The following SRMS variants were observed in gnomAD, a reference collection of about 807,000 sequenced individuals.
SRMS encodes the protein tyrosine-protein kinase Srms.
In SRMS, 42 loss-of-function variants were observed where a neutral mutation model predicts 43.5. That is an observed-to-expected ratio of 0.97 (90% CI 0.75 to 1.25). The LOEUF (loss-of-function observed/expected upper bound fraction) is 1.25. SRMS is among the 50% of genes most tolerant of loss of function. The probability of loss-of-function intolerance (pLI) is 0.00; values close to 1 mark genes in which losing one functional copy is unlikely to be tolerated. For missense variants in SRMS, 703 were observed against 681.0 expected, an observed-to-expected ratio of 1.03 and a Z score of -0.36; for synonymous variants, 316 against 308.2, an observed-to-expected ratio of 1.03 and a Z score of -0.27.
intron 2 of SRMS, chr20:63,543,797 T>A: frequency 2.8e-6 from 1 of 353,424 alleles, no homozygotes; most frequent in South Asian, 6.6e-5. Context: ...GAAAAGTGAA[T>A]GAATGAATGA....
At chr20:63,543,279 C>G in intron 3 of SRMS, 35 bp downstream of exon 3, 1 of 1,606,182 alleles carries the variant, frequency 6.2e-7, no homozygotes, top group Non-Finnish European at 8.5e-7. Flanking sequence ...ATGCCTCGGG[C>G]CCAGCATGGG....
At chr20:63,545,361 A>T (rs2082725802) in intron 1 of SRMS, among the ~76,000 whole-genome samples, 1 of 152,112 alleles carries the variant, frequency 6.6e-6, no homozygotes, top group Non-Finnish European at 1.5e-5. Context: ...GGACCCGGAG[A>T]GGGATGCCTG....
At chr20:63,541,089 C>T (rs1336909796) in intron 7 of SRMS, 90 bp from the exon 8 acceptor site, 1 of 1,582,366 alleles carries the variant, frequency 6.3e-7, no homozygotes, top group African/African-American at 1.4e-5. Flanking sequence ...ATCTGCCTGC[C>T]CTTGGCCAGA....
At position 63,541,593 on chromosome 20, in the gene SRMS, G is replaced by C. The variant is rs8122355; in HGVS notation, c.974C>G (p.Pro325Arg). 1 of 1,563,374 alleles carries C rather than the reference G, an allele frequency of 6.4e-7. No individual in the cohort carries two copies. The highest frequency in any genetic ancestry group is 8.6e-7 in the Non-Finnish European group (1 of 1,159,498). The stretch of plus-strand genomic sequence containing the variant: ...CTGGCAGGCAAAGCCCAGGAGTGGC[G>C]GCAGACGCAGGGCCCGGCCCTCGGG... Reference protein sequence around the residue: ...GTPEGRALRLPPLLGFACQVA... With the variant: ...GTPEGRALRLRPLLGFACQVA... The change falls in exon 6 of 8, where the codon CCG becomes CGG. Residue 325 changes from proline (P) to arginine (R), a missense_variant. Transcript: ENST00000217188.
At position 63,541,301 on chromosome 20, in the gene SRMS, C is replaced by T. The variant is rs978936320; in HGVS notation, c.1175G>A (p.Trp392Ter). ...ATAATTGGCCGCCTCAGGCGCTGTC[C>T]ACTTGACCGGGATCTTGGAGCTGCT... ...PSSSSKIPVK[W>*]TAPEAANYRV... The change falls in exon 7 of 8, where the codon TGG (tryptophan) becomes TAG (stop). Residue 392 changes from tryptophan (W) to a stop codon, truncating the protein, a stop_gained. Coordinates refer to ENST00000217188, the MANE Select transcript of SRMS (RefSeq NM_080823.4). LOFTEE classifies it high-confidence loss of function. 6.4e-7 allele frequency: 1 copy of T among 1,554,594 alleles called. No individual in the cohort carries two copies. Among genetic ancestry groups the T allele is most frequent in the Non-Finnish European group, 8.7e-7 (1 of 1,153,206 alleles).
rs1308569907 is a variant in SRMS, at chr20:63,543,401, G to A, written c.558C>T (p.Leu186=). ...TGAGCAGCTCCTCCAGGCCGGGAAA[G>A]AGCCGTCCCTTCTGCAGGTAGAGGC... The part of the protein sequence containing the change: ...DGSLYLQKGR[L]FPGLEELLTY... The change falls in exon 3 of 8, where the codon CTC becomes CTT. Residue 186 remains leucine, a synonymous_variant. Coordinates refer to ENST00000217188, the MANE Select transcript of SRMS (RefSeq NM_080823.4). The A allele has an allele frequency of 7.4e-6, 12 of 1,612,732 alleles. No individual in the cohort carries two copies. Among genetic ancestry groups the A allele is most frequent in the Middle Eastern group, 1.6e-4 (1 of 6,082 alleles).
chr20:63,545,010 G>C (rs6090450), intron 1 of SRMS, among the ~76,000 whole-genome samples: 2 of 152,070 alleles, frequency 1.3e-5, no homozygotes, highest in Non-Finnish European at 2.9e-5. Flanking sequence ...GCGTCTGTTC[G>C]CACAGACACC....
rs957152853 is a variant in SRMS, at chr20:63,542,318, T to C, written c.791A>G (p.Asn264Ser). 3.1e-6 allele frequency: 5 copies of C among 1,608,444 alleles called. No individual in the cohort carries two copies. Among genetic ancestry groups the C allele is most frequent in the Admixed American group, 3.3e-5 (2 of 59,858 alleles). Residue 264 changes from asparagine (N) to serine (S), a missense_variant, in exon 5 of 8, where the codon AAC becomes AGC. Asn to Ser is a conservative substitution (Grantham distance 46). Coordinates refer to ENST00000217188, the MANE Select transcript of SRMS (RefSeq NM_080823.4). ...PVAIKVIKSA[N>S]MKLTDLAKEI... is the part of the protein sequence containing the mutation. The stretch of plus-strand genomic sequence containing the variant: ...CTTGGCGAGGTCAGTGAGCTTCATG[T>C]TGGCTGCGAGAGAGGGTGTGGCTCC...
Position 63,547,623 on chromosome 20 carries a change from C to A in SRMS, c.-160G>T. On this transcript the variant is annotated 5_prime_UTR_variant, in exon 1 of 8. Transcript: ENST00000217188. ...CGGTCACTCAGAGGTCCCCTGGATC[C>A]AGGAGGCACACGGTTCCCACCGGCG... 2 of 647,094 alleles carry A rather than the reference C, an allele frequency of 3.1e-6. No homozygotes were observed. Among genetic ancestry groups the A allele is most frequent in the Non-Finnish European group, 4.9e-6 (2 of 408,938 alleles). The allele number at this position is 647,094 out of a possible 1,614,324, so 40.1% of individuals were successfully genotyped here.
Position 63,540,789 on chromosome 20 carries a change from G to A in SRMS, c.*29C>T, listed in dbSNP as rs751824491. The A allele has an allele frequency of 2.6e-6, 4 of 1,564,614 alleles. No individual in the cohort carries two copies. The East Asian group carries it at 9.1e-5, about 36-fold the overall frequency. Reference sequence around the variant, plus strand: ...CAGGGAGGAGGGGCTGGCCTGGCTGGAGCCCAGAGCGTTGGGTCACGTGAG... The same window carrying A: ...CAGGGAGGAGGGGCTGGCCTGGCTGAAGCCCAGAGCGTTGGGTCACGTGAG... On this transcript the variant is annotated 3_prime_UTR_variant, in exon 8 of 8. Coordinates refer to ENST00000217188, the MANE Select transcript of SRMS (RefSeq NM_080823.4).
At chr20:63,544,471 C>T in intron 1 of SRMS, 123 bp from the exon 2 acceptor site, 2 of 1,258,774 alleles carry the variant, frequency 1.6e-6, no homozygotes, top group Admixed American at 4.1e-5. Context: ...GAAGGTCCAC[C>T]CCGTGGACTT....
Position 63,547,464 on chromosome 20 carries a change from C to G in SRMS, c.-1G>C. 1.3e-5 allele frequency: 19 copies of G among 1,482,830 alleles called. No homozygotes were observed. The highest frequency in any genetic ancestry group is 1.3e-5 in the Non-Finnish European group (14 of 1,113,402). The allele number at this position is 1,482,830 out of a possible 1,614,324, so 91.9% of individuals were successfully genotyped here. On this transcript the variant is annotated 5_prime_UTR_variant, in exon 1 of 8. Coordinates refer to ENST00000217188, the MANE Select transcript of SRMS (RefSeq NM_080823.4). The stretch of plus-strand genomic sequence containing the variant: ...GCCGCCTCCTGAGGAACGGCTCCAT[C>G]CCCCGGGGTCACCACGCTGGGCCCG...
rs572932907 is a variant in SRMS at position 63,545,357 on chromosome 20, G to A, written c.357-1009C>T. Among the ~76,000 whole-genome samples, 10 of 152,320 alleles carry A rather than the reference G, an allele frequency of 6.6e-5. No homozygotes were observed. The South Asian group carries it at 1.2e-3, about 19-fold the overall frequency. The stretch of plus-strand genomic sequence containing the variant: ...CACTTCCTGGAGCTTCCTGGGACCC[G>A]GAGAGGGATGCCTGCCACTCCCCTG... On this transcript the variant is annotated intron_variant, in intron 1 of 7. Coordinates refer to ENST00000217188, the MANE Select transcript of SRMS (RefSeq NM_080823.4).
At chr20:63,541,677 G>A (rs1277370603) in intron 5 of SRMS, 57 bp from the exon 6 acceptor site, 3 of 1,440,066 alleles carry the variant, frequency 2.1e-6, no homozygotes, top group Admixed American at 2.6e-5. Context: ...GGTGAGGCCA[G>A]CGTCCACCCA....
At position 63,547,292 on chromosome 20, in the gene SRMS, C is replaced by A; in HGVS notation, c.172G>T (p.Ala58Ser). ...CACCGCGCCGTGAAGTCATAGAGCG[C>A]AAGGAAGAGCTGAGGGAAGGGGCTG... is the stretch of plus-strand genomic sequence containing the variant. ...PCSPFPQLFL[A>S]LYDFTARCGG... The change falls in exon 1 of 8, where the codon GCG (alanine) becomes TCG (serine). Residue 58 changes from alanine (A) to serine (S), a missense_variant. By Grantham distance (99) the Ala-to-Ser change is moderately conservative. Coordinates refer to ENST00000217188, the MANE Select transcript of SRMS (RefSeq NM_080823.4). 1 of 1,605,628 alleles carries A rather than the reference C, an allele frequency of 6.2e-7. No homozygotes were observed. Among genetic ancestry groups the A allele is most frequent in the Non-Finnish European group, 8.5e-7 (1 of 1,174,912 alleles).
chr20:63,542,066 G>C, intron 5 of SRMS, 97 bp downstream of exon 5: 1 of 1,504,378 alleles, frequency 6.6e-7, no homozygotes, highest in Non-Finnish European at 8.9e-7. Flanking sequence ...GAGAGGCCCG[G>C]TTCACCTCGG....
At chr20:63,544,191 G>A (rs1208563355) in intron 2 of SRMS, 36 bp downstream of exon 2, 78 of 1,416,044 alleles carry the variant, frequency 5.5e-5, no homozygotes, top group Non-Finnish European at 6.5e-5. Flanking sequence ...CACTGACCTG[G>A]TGGGGGACAG....
intron 7 of SRMS, 37 bp downstream of exon 7, chr20:63,541,154 G>T: frequency 6.5e-7 from 1 of 1,547,954 alleles, no homozygotes. Context: ...CTCCTGGGCA[G>T]AGCCTGCATC....
rs1555886442 is a variant in SRMS at position 63,538,721 on chromosome 20, T to TGGGGGGGGGGGGGGGGGGGG, written c.*2096_*2097insCCCCCCCCCCCCCCCCCCCC. ...GTTGGGGAGGATGCAGGGGGAGGGGTGGGGGGTGGGGAATGCGGAAGGAGG... is the reference window on the plus strand; with the variant it reads ...GTTGGGGAGGATGCAGGGGGAGGGGTGGGGGGGGGGGGGGGGGGGGGGGGGGTGGGGAATGCGGAAGGAGG... On this transcript the variant is annotated 3_prime_UTR_variant, in exon 8 of 8. Transcript: ENST00000217188. Among the ~76,000 whole-genome samples the TGGGGGGGGGGGGGGGGGGGG allele has an allele frequency of 4.2e-5, 1 of 23,934 alleles. No homozygotes were observed. The highest frequency in any genetic ancestry group is 1.8e-4 in the African/African-American group (1 of 5,658). The allele number at this position is 23,934 out of a possible 152,430, so 15.7% of individuals were successfully genotyped here.
Sources: allele counts gnomAD v4.1 joint callset (sites outside exome capture counted in the v4.1 genomes callset), GRCh38; gene constraint gnomAD v4.1.1; transcripts MANE v1.5; gene names NCBI Gene and HGNC (gene_info 2026-07-23, HGNC 2026-07-21).